ANKRD26: variants seen among roughly 807,000 people sequenced by gnomAD.
ANKRD26 encodes ankyrin repeat domain-containing protein 26.
ANKRD26 carries 141 observed loss-of-function variants against 208.7 expected under a neutral mutation model. The observed-to-expected ratio is 0.68, with a 90% CI of 0.59 to 0.78. ANKRD26 has a LOEUF of 0.78. ANKRD26 is among the 30% of genes least tolerant of loss of function. ANKRD26 has a pLI of 0.00. For missense variants in ANKRD26, 1,889 were observed against 1,938.7 expected, an observed-to-expected ratio of 0.97 and a Z score of 0.48; for synonymous variants, 636 against 660.4, an observed-to-expected ratio of 0.96 and a Z score of 0.57.
chr10:26,956,597 A>G, the ANKRD26 span, among the ~76,000 whole-genome samples: 2 of 151,782 alleles, frequency 1.3e-5, no homozygotes, highest in Non-Finnish European at 2.9e-5. Flanking sequence ...GTGCCTCTGC[A>G]CTCCAGCCTG....
intron 13 of ANKRD26, 130 bp from the exon 14 acceptor site, chr10:27,060,670 G>GT (rs1046498839): frequency 1.2e-5 from 9 of 776,106 alleles, no homozygotes; most frequent in African/African-American, 7.1e-5. Context: ...TTTTTGGGAT[G>GT]TTTTTTATTT....
At chr10:27,023,728 C>T (rs12779943) in intron 28 of ANKRD26, among the ~76,000 whole-genome samples, 14,139 of 151,958 alleles carry the variant, frequency 0.093, 772 homozygotes, top group East Asian at 0.28. Context: ...TCAGAACAAA[C>T]GTAAGTACTC....
At position 26,975,402 on chromosome 10, in the gene ANKRD26, C is replaced by CTTTTTTTTTTTTTTTTT. The variant is rs60226106; in HGVS notation, c.*905_*921dup. On this transcript the variant is annotated 3_prime_UTR_variant and NMD_transcript_variant, in exon 6 of 6. Coordinates refer to the ANKRD26 transcript ENST00000674670. ...AGCCACCTCGCCCAGCTAATTTTTGCTTTTTTTTTTTTTTTTTTGGTGTAG... is the reference window on the plus strand; with the variant it reads ...AGCCACCTCGCCCAGCTAATTTTTGCTTTTTTTTTTTTTTTTTTTTTTTTTTTTTTTTTTTGGTGTAG... Among the ~76,000 whole-genome samples, 15 of 90,476 alleles carry CTTTTTTTTTTTTTTTTT rather than the reference C, an allele frequency of 1.7e-4. 1 individual carries two copies. The highest frequency in any genetic ancestry group is 2.8e-4 in the African/African-American group (6 of 21,530). The allele number at this position is 90,476 out of a possible 152,430, so 59.4% of individuals were successfully genotyped here.
At position 27,087,867 on chromosome 10, in the gene ANKRD26, A is replaced by G. The variant is rs187105984; in HGVS notation, c.639-1258T>C. Among the ~76,000 whole-genome samples, 7 of 152,294 alleles carry G rather than the reference A, an allele frequency of 4.6e-5. No homozygotes were observed. In the East Asian group the frequency reaches 1.3e-3, roughly 29 times the overall value. ...ATGGTCATAATCCACTGCCGCCTGG[A>G]ACTCCTGGGCTCAAGCAATCCTCCT... On this transcript the variant is annotated intron_variant, in intron 4 of 33. Coordinates refer to ENST00000376087, the MANE Select transcript of ANKRD26 (RefSeq NM_014915.3).
intron 18 of ANKRD26, among the ~76,000 whole-genome samples, chr10:27,045,157 C>T (rs1313941192): frequency 6.6e-6 from 1 of 152,206 alleles, no homozygotes; most frequent in Non-Finnish European, 1.5e-5. Context: ...GGCGTGCTGG[C>T]TCACGCCTGT....
At chr10:27,072,569 G>C (rs1458187406) in intron 9 of ANKRD26, among the ~76,000 whole-genome samples, 1 of 152,180 alleles carries the variant, frequency 6.6e-6, no homozygotes, top group African/African-American at 2.4e-5. Flanking sequence ...TGAGACTCCA[G>C]AGTATTTCCC....
chr10:26,953,964 A>G, the ANKRD26 span, among the ~76,000 whole-genome samples: 4 of 152,228 alleles, frequency 2.6e-5, no homozygotes, highest in African/African-American at 9.6e-5. Flanking sequence ...ATCATAAGGG[A>G]GATTGAGTCA....
At chr10:27,060,316 C>T in intron 15 of ANKRD26, 29 bp downstream of exon 15, 1 of 1,525,950 alleles carries the variant, frequency 6.6e-7, no homozygotes, top group Non-Finnish European at 9.1e-7. Flanking sequence ...TACTTCCTTC[C>T]AAGATTAAAT....
chr10:27,082,910 G>A, intron 5 of ANKRD26, 77 bp from the exon 6 acceptor site: 2 of 1,500,062 alleles, frequency 1.3e-6, no homozygotes, highest in South Asian at 1.2e-5. Context: ...AAGACTGATA[G>A]TTTGTTACAA....
At chr10:26,949,549 A>C in the ANKRD26 span, among the ~76,000 whole-genome samples, 3 of 152,184 alleles carry the variant, frequency 2.0e-5, no homozygotes, top group Non-Finnish European at 4.4e-5. Flanking sequence ...TCTGTCGCCC[A>C]GGCTGGAGTG....
chr10:27,036,998 T>A (rs930934906), intron 23 of ANKRD26, among the ~76,000 whole-genome samples, 188 bp downstream of exon 23: 3 of 152,138 alleles, frequency 2.0e-5, no homozygotes, highest in Non-Finnish European at 2.9e-5. Flanking sequence ...TGCAGACAAG[T>A]GGAGCTGAAT....
chr10:27,076,398 G>A (rs1229532276), intron 9 of ANKRD26, among the ~76,000 whole-genome samples: 1 of 151,922 alleles, frequency 6.6e-6, no homozygotes, highest in East Asian at 1.9e-4. Context: ...AAGTAGCTGG[G>A]ATTACAGGCA....
the ANKRD26 span, among the ~76,000 whole-genome samples, chr10:26,960,370 T>C: frequency 0.095 from 14,380 of 152,166 alleles, 1,362 homozygotes; most frequent in East Asian, 0.48. Context: ...TGAGACTCCA[T>C]GAAAAATAGA....
At chr10:27,062,630 C>T (rs1430897508) in intron 12 of ANKRD26, among the ~76,000 whole-genome samples, 1 of 152,200 alleles carries the variant, frequency 6.6e-6, no homozygotes, top group African/African-American at 2.4e-5. Flanking sequence ...AATTGTATTG[C>T]AAGTCATAAA....
At chr10:27,008,773 C>T (rs1345066472) in intron 32 of ANKRD26, among the ~76,000 whole-genome samples, 1 of 152,102 alleles carries the variant, frequency 6.6e-6, no homozygotes, top group Non-Finnish European at 1.5e-5. Flanking sequence ...AAGTTGTTGC[C>T]TCTATTCCAG....
Position 27,005,459 on chromosome 10 carries a change from A to T in ANKRD26, c.*131T>A. 2 of 1,451,646 alleles carry T rather than the reference A, an allele frequency of 1.4e-6. No individual in the cohort carries two copies. The highest frequency in any genetic ancestry group is 1.5e-5 in the South Asian group (1 of 67,472). 89.9% of individuals were successfully genotyped at this position (1,451,646 alleles called of 1,614,324 possible). On this transcript the variant is annotated 3_prime_UTR_variant, in exon 34 of 34. Transcript: ENST00000376087. ...AAGAAGCCAAGTAACATTGTTTAAAATACTATATAAATTTTGATCTGACAT... is the reference window on the plus strand; with the variant it reads ...AAGAAGCCAAGTAACATTGTTTAAATTACTATATAAATTTTGATCTGACAT...
chr10:27,007,827 TATC>T (rs1440978679), intron 32 of ANKRD26, among the ~76,000 whole-genome samples: 2 of 152,116 alleles, frequency 1.3e-5, no homozygotes, highest in African/African-American at 4.8e-5. Flanking sequence ...AAATAAATAT[TATC>T]CTATCTATAT....
chr10:27,095,492 AC>A (rs1306988913), intron 1 of ANKRD26, among the ~76,000 whole-genome samples: 1 of 152,050 alleles, frequency 6.6e-6, no homozygotes, highest in African/African-American at 2.4e-5. Flanking sequence ...ACATGGTAAA[AC>A]CCCATCTCTG....
rs756157730 is a variant in ANKRD26, at chr10:27,093,722, T to A, written c.320A>T (p.Asn107Ile). ...TLLVDRKCQL[N>I]VCDNENRTAL... ...TGTCCTGTTTTCGTTGTCACAGACA[T>A]TGAGCTGGCATTTTCTGTCCACCAG... The change falls in exon 2 of 34, where the codon AAT (asparagine) becomes ATT (isoleucine). Residue 107 changes from asparagine to isoleucine, a missense_variant. This residue lies in a region of ANKRD26 where 1,272 missense variants were observed against 1,273.8 expected (regional missense o/e 1.00). Transcript: ENST00000376087. 1.2e-6 allele frequency: 2 copies of A among 1,614,126 alleles called. No individual in the cohort carries two copies. The highest frequency in any genetic ancestry group is 2.7e-5 in the African/African-American group (2 of 74,946).
Sources: allele counts gnomAD v4.1 joint callset (sites outside exome capture counted in the v4.1 genomes callset), GRCh38; gene constraint gnomAD v4.1.1; regional missense constraint gnomAD v4.1.1; transcripts MANE v1.5; gene names NCBI Gene and HGNC (gene_info 2026-07-23, HGNC 2026-07-21).